MON2: variants seen among roughly 807,000 people sequenced by gnomAD.
The protein encoded by MON2 is MON2 regulator of endosome-to-Golgi trafficking.
In MON2, 84 loss-of-function variants were observed where a neutral mutation model predicts 208.6. The observed-to-expected ratio is 0.40, with a 90% CI of 0.34 to 0.48. The LOEUF (loss-of-function observed/expected upper bound fraction) is 0.48, where lower values mean the gene tolerates loss of function less well. Among genes scored for constraint, MON2 ranks in the 20% least tolerant of loss-of-function variants. MON2 has a pLI of 0.59. For missense variants in MON2, 1,611 were observed against 2,015.4 expected (o/e 0.80, Z 3.84); for synonymous variants, 660 against 694.0 (o/e 0.95, Z 0.77).
chr12:62,500,628 T>C lies in MON2; in HGVS notation c.566-155T>C, dbSNP rs559213204. 2.0e-5 allele frequency among the ~76,000 whole-genome samples: 3 copies of C among 152,324 alleles called. No homozygotes were observed. The South Asian group carries it at 6.2e-4, about 32-fold the overall frequency. ...AACAGATTCCCATTTTTTTTTGTTT[T>C]GGAGGCATATGTTAACATTGGAAAT... is the stretch of plus-strand genomic sequence containing the variant. On this transcript the variant is annotated intron_variant, in intron 5 of 34. Transcript: ENST00000393630.
intron 25 of MON2, among the ~76,000 whole-genome samples, chr12:62,557,020 G>A (rs2073992592): frequency 6.6e-6 from 1 of 152,116 alleles, no homozygotes; most frequent in Admixed American, 6.5e-5. Context: ...GGGATGTGGA[G>A]GTTGCTGCAG....
chr12:62,568,896 G>A (rs1028942048), intron 29 of MON2, among the ~76,000 whole-genome samples: 5 of 151,636 alleles, frequency 3.3e-5, no homozygotes, highest in South Asian at 2.1e-4. Flanking sequence ...CAAGTGATCC[G>A]CTCACCTCAG....
chr12:62,534,518 C>CAAAAA (rs869145698), intron 12 of MON2, among the ~76,000 whole-genome samples: 3 of 67,444 alleles, frequency 4.4e-5, no homozygotes, highest in African/African-American at 1.3e-4. Context: ...GACTCCATCG[C>CAAAAA]AAAAAAAAAA....
Position 62,553,194 on chromosome 12 carries a change from A to G in MON2, c.3210+20A>G. The stretch of plus-strand genomic sequence containing the variant: ...TGGAAGGTATTGTAAAATAGATTGG[A>G]CTATCAGCTTTTAATGAGTCATGCT... On this transcript the variant is annotated intron_variant, in intron 24 of 34. Transcript: ENST00000393630. 6.2e-7 allele frequency: 1 copy of G among 1,602,156 alleles called. No individual in the cohort carries two copies. The highest frequency in any genetic ancestry group is 8.5e-7 in the Non-Finnish European group (1 of 1,170,518).
intron 31 of MON2, among the ~76,000 whole-genome samples, chr12:62,579,367 G>T (rs1478262616): frequency 7.9e-5 from 12 of 152,028 alleles, no homozygotes; most frequent in African/African-American, 2.7e-4. Context: ...GGTTTTGGTG[G>T]TTTTTTTCCT....
At chr12:62,549,039 C>A (rs565626573) in intron 22 of MON2, among the ~76,000 whole-genome samples, 1 of 152,176 alleles carries the variant, frequency 6.6e-6, no homozygotes, top group East Asian at 1.9e-4. Context: ...CTGTAGCAAA[C>A]TTGCCATTCT....
chr12:62,470,015 C>T (rs2068715983), intron 1 of MON2, among the ~76,000 whole-genome samples: 1 of 151,756 alleles, frequency 6.6e-6, no homozygotes, highest in Admixed American at 6.6e-5. Context: ...AGTGATTCTC[C>T]CACCTCAACC....
At chr12:62,550,968 G>A (rs1000754905) in intron 23 of MON2, among the ~76,000 whole-genome samples, 6 of 138,194 alleles carry the variant, frequency 4.3e-5, no homozygotes, top group African/African-American at 8.1e-5. Flanking sequence ...TACCCAGGCT[G>A]AAGTGCAGTG....
chr12:62,537,023 A>G, intron 14 of MON2, 128 bp from the exon 15 acceptor site: 2 of 497,514 alleles, frequency 4.0e-6, no homozygotes, highest in Non-Finnish European at 6.9e-6. Flanking sequence ...TGATACAGAT[A>G]TTAGGTATTA....
Position 62,561,220 on chromosome 12 carries a change from A to T in MON2, c.4032+107A>T, listed in dbSNP as rs531724037. ...AATTTTAGATCATCAAGATTGTTTT[A>T]TATGTATACTTTGGGATAAACTGAG... On this transcript the variant is annotated intron_variant, in intron 26 of 34. Coordinates refer to ENST00000393630, the MANE Select transcript of MON2 (RefSeq NM_015026.3). The T allele has an allele frequency of 5.9e-5, 53 of 901,712 alleles. No homozygotes were observed. The African/African-American group carries it at 8.8e-4, about 15-fold the overall frequency. The allele number at this position is 901,712 out of a possible 1,614,324, so 55.9% of individuals were successfully genotyped here. A position where few individuals can be genotyped will look rare whatever the true frequency, so the allele number is the denominator to read the frequency against.
chr12:62,513,892 A>G (rs61919477), intron 8 of MON2, among the ~76,000 whole-genome samples: 20,391 of 145,656 alleles, frequency 0.14, 2,957 homozygotes, highest in East Asian at 0.34. Context: ...AGAGCTTGCA[A>G]TGAGCCGAGA....
chr12:62,554,553 G>A (rs565429561), intron 24 of MON2, among the ~76,000 whole-genome samples: 40 of 152,184 alleles, frequency 2.6e-4, no homozygotes, highest in Non-Finnish European at 4.9e-4. Context: ...TGAGTGCAGC[G>A]GCCTGATCGT....
intron 29 of MON2, among the ~76,000 whole-genome samples, chr12:62,570,253 G>A (rs756254449): frequency 3.9e-5 from 6 of 151,950 alleles, no homozygotes; most frequent in Admixed American, 1.3e-4. Flanking sequence ...TGACTCAAAC[G>A]CTCTACTCCT....
chr12:62,569,834 C>G (rs2074521021), intron 29 of MON2, among the ~76,000 whole-genome samples: 1 of 152,116 alleles, frequency 6.6e-6, no homozygotes, highest in Non-Finnish European at 1.5e-5. Flanking sequence ...TGCTAATTAT[C>G]TGTTAATGAA....
At position 62,534,836 on chromosome 12, in the gene MON2, T is replaced by C. The variant is rs2072889405; in HGVS notation, c.1634-9T>C. The C allele has an allele frequency of 6.3e-7, 1 of 1,599,016 alleles. No individual in the cohort carries two copies. Among genetic ancestry groups the C allele is most frequent in the South Asian group, 1.1e-5 (1 of 90,662 alleles). On this transcript the variant is annotated splice_polypyrimidine_tract_variant and intron_variant, in intron 12 of 34. Coordinates refer to ENST00000393630, the MANE Select transcript of MON2 (RefSeq NM_015026.3). Reference sequence around the variant, plus strand: ...TAAAATTAAATATTGTATGTTTTTTTCCTTTAAGTTAGTAGGGCTGTTTGG... The same window carrying C: ...TAAAATTAAATATTGTATGTTTTTTCCCTTTAAGTTAGTAGGGCTGTTTGG...
intron 4 of MON2, among the ~76,000 whole-genome samples, chr12:62,495,446 G>GA (rs935079193): frequency 1.6e-4 from 23 of 147,298 alleles, no homozygotes; most frequent in Admixed American, 2.7e-4. Flanking sequence ...AGGGAACTAA[G>GA]AAAAAAAAAA....
At chr12:62,475,385 C>T (rs1052466482) in intron 1 of MON2, among the ~76,000 whole-genome samples, 4 of 151,606 alleles carry the variant, frequency 2.6e-5, no homozygotes, top group East Asian at 2.0e-4. Flanking sequence ...TACAGGCGCC[C>T]GCTATCATGC....
rs2072926870 is a variant in MON2 at position 62,535,526 on chromosome 12, A to G, written c.1717A>G (p.Thr573Ala). 1 of 1,595,512 alleles carries G rather than the reference A, an allele frequency of 6.3e-7. No homozygotes were observed. The highest frequency in any genetic ancestry group is 1.8e-5 in the Admixed American group (1 of 55,184). The change falls in exon 14 of 35, where the codon ACA (threonine) becomes GCA (alanine). Residue 573 changes from threonine (T) to alanine (A), a missense_variant and splice_region_variant. By Grantham distance (58) the Thr-to-Ala change is moderately conservative. Coordinates refer to ENST00000393630, the MANE Select transcript of MON2 (RefSeq NM_015026.3). Reference protein sequence around the residue: ...AALSLLLDASTDEAATENILK... With the variant: ...AALSLLLDASADEAATENILK... ...TTAAATAAAATACTTTCTTTTCAGC[A>G]CAGATGAAGCTGCCACTGAGAATAT...
intron 5 of MON2, 139 bp downstream of exon 5, chr12:62,499,187 T>TC: frequency 1.2e-6 from 1 of 843,978 alleles, no homozygotes; most frequent in Non-Finnish European, 1.7e-6. Context: ...CACAATTTGA[T>TC]CCCCTGAGGA....
Sources: allele counts gnomAD v4.1 joint callset (sites outside exome capture counted in the v4.1 genomes callset), GRCh38; gene constraint gnomAD v4.1.1; transcripts MANE v1.5; gene names NCBI Gene and HGNC (gene_info 2026-07-23, HGNC 2026-07-21).